The following HTT variants were observed in gnomAD, a reference collection of about 807,000 sequenced individuals.
HTT encodes huntington disease protein.
HTT carries 104 observed loss-of-function variants against 362.3 expected under a neutral mutation model. The ratio of observed to expected loss-of-function variants is 0.29; its 90% CI spans 0.24 to 0.34. HTT has a LOEUF of 0.34. Ranked by LOEUF, HTT falls within the 10% of genes least tolerant of loss-of-function variation. The pLI is 1.00. For missense variants in HTT, 3,301 were observed against 3,928.6 expected (o/e 0.84, Z 4.27); for synonymous variants, 1,577 against 1,548.7 (o/e 1.02, Z -0.43).
intron 3 of HTT, among the ~76,000 whole-genome samples, chr4:3,102,477 T>C (rs1396903457): frequency 6.6e-6 from 1 of 152,270 alleles, no homozygotes; most frequent in Non-Finnish European, 1.5e-5. Context: ...TTCGCTTTGC[T>C]CATTTAAGGA....
chr4:3,081,148 T>G (rs935358736), intron 1 of HTT, among the ~76,000 whole-genome samples: 1 of 152,240 alleles, frequency 6.6e-6, no homozygotes, highest in African/African-American at 2.4e-5. Flanking sequence ...TGAGAGGGAT[T>G]GTGTTGAATC....
intron 35 of HTT, among the ~76,000 whole-genome samples, chr4:3,178,757 G>C (rs1019867271): frequency 1.3e-5 from 2 of 152,190 alleles, no homozygotes; most frequent in African/African-American, 4.8e-5. Flanking sequence ...TTCTTCACTT[G>C]ATCTTAGCCA....
Position 3,206,802 on chromosome 4 carries a change from G to A in HTT, c.5899-5G>A. Reference sequence around the variant, plus strand: ...ATCTTTTGTTCTTTTCCTTCTTGCTGTTAGCCAACCATGCTGAAGAAAACT... The same window carrying A: ...ATCTTTTGTTCTTTTCCTTCTTGCTATTAGCCAACCATGCTGAAGAAAACT... On this transcript the variant is annotated splice_polypyrimidine_tract_variant and splice_region_variant and intron_variant, in intron 43 of 66. Coordinates refer to ENST00000355072, the MANE Select transcript of HTT (RefSeq NM_001388492.1). The surrounding 1 kb of genome is among the most constrained non-coding windows in gnomAD (Gnocchi z 4.6). The A allele has an allele frequency of 6.3e-7, 1 of 1,594,114 alleles. No individual in the cohort carries two copies. The highest frequency in any genetic ancestry group is 8.6e-7 in the Non-Finnish European group (1 of 1,168,386).
Position 3,240,338 on chromosome 4 carries a change from T to A in HTT, c.*279T>A, listed in dbSNP as rs530408662. On this transcript the variant is annotated 3_prime_UTR_variant, in exon 67 of 67. Coordinates refer to ENST00000355072, the MANE Select transcript of HTT (RefSeq NM_001388492.1). ...ACCCCATGTGGGTGACCAGGTCCTT[T>A]CTCCTGATAGTCACCTGCTGGTTGT... is the stretch of plus-strand genomic sequence containing the variant. 5 of 492,498 alleles carry A rather than the reference T, an allele frequency of 1.0e-5. No individual in the cohort carries two copies. In the Admixed American group the frequency reaches 1.4e-4, roughly 14 times the overall value. 30.5% of individuals were successfully genotyped at this position (492,498 alleles called of 1,614,324 possible).
At chr4:3,150,659 G>A (rs1716835007) in intron 26 of HTT, among the ~76,000 whole-genome samples, 2 of 152,178 alleles carry the variant, frequency 1.3e-5, no homozygotes, top group South Asian at 4.1e-4. Context: ...TATTTTGCGA[G>A]AAGAAAGTGT....
At chr4:3,166,207 C>T (rs1165419745) in intron 29 of HTT, among the ~76,000 whole-genome samples, 1 of 152,230 alleles carries the variant, frequency 6.6e-6, no homozygotes, top group Non-Finnish European at 1.5e-5. Flanking sequence ...TGGAGGTCCA[C>T]TCCAGGCCCT....
In HTT at chr4:3,132,901, C is replaced by T. The variant is rs780168812; in HGVS notation, c.2483C>T (p.Thr828Ile). 6.2e-7 allele frequency: 1 copy of T among 1,609,508 alleles called. No homozygotes were observed. Among genetic ancestry groups the T allele is most frequent in the South Asian group, 1.1e-5 (1 of 90,994 alleles). ...TCTGTTACTTGCAAGTTAGCTTGTACAGCTGTGAGGGTGAGCATAATCTTC... is the reference window on the plus strand; with the variant it reads ...TCTGTTACTTGCAAGTTAGCTTGTATAGCTGTGAGGGTGAGCATAATCTTC... ...ESSVTCKLAC[T>I]AVRNCVMSLC... The change falls in exon 18 of 67, where the codon ACA becomes ATA. Residue 828 changes from threonine to isoleucine, a missense_variant. Coordinates refer to ENST00000355072, the MANE Select transcript of HTT (RefSeq NM_001388492.1).
At chr4:3,186,837 G>GTTT in intron 38 of HTT, 118 bp downstream of exon 38, 3 of 380,526 alleles carry the variant, frequency 7.9e-6, no homozygotes, top group South Asian at 4.2e-5. Flanking sequence ...TTGAGAGTTT[G>GTTT]CTTTTTTTTT....
chr4:3,099,213 A>T, intron 2 of HTT, 61 bp from the exon 3 acceptor site: 1 of 1,160,430 alleles, frequency 8.6e-7, no homozygotes. Flanking sequence ...ATACCTCATT[A>T]CATTTCATTG....
chr4:3,209,007 C>A, intron 46 of HTT, 96 bp downstream of exon 46: 1 of 1,335,908 alleles, frequency 7.5e-7, no homozygotes, highest in Non-Finnish European at 1.0e-6. Flanking sequence ...TGCCGTGGAC[C>A]CAAGGAGTTC....
Position 3,156,801 on chromosome 4 carries a change from TCTAA to T in HTT, c.3626-268_3626-265del, listed in dbSNP as rs540193655. Among the ~76,000 whole-genome samples, 30 of 152,338 alleles carry T rather than the reference TCTAA, an allele frequency of 2.0e-4. 1 individual carries two copies. In the East Asian group the frequency reaches 5.4e-3, roughly 27 times the overall value. On this transcript the variant is annotated intron_variant, in intron 27 of 66. Transcript: ENST00000355072. ...CTTGAATCAGCTGCTCCTATGATTC[TCTAA>T]CTGATTTCTCACAAAGCAAACAAGC... is the stretch of plus-strand genomic sequence containing the variant.
intron 10 of HTT, chr4:3,123,337 T>C: frequency 6.1e-6 from 1 of 163,402 alleles, no homozygotes; most frequent in African/African-American, 2.4e-5. Context: ...GCCAGCTATG[T>C]TCCAGTAGAA....
chr4:3,191,349 A>G (rs918329878), intron 40 of HTT, among the ~76,000 whole-genome samples: 7 of 151,676 alleles, frequency 4.6e-5, no homozygotes, highest in Non-Finnish European at 8.8e-5. Context: ...AATTTTTTGT[A>G]TTTTTAGTAG....
rs3072133 is a variant in HTT, at chr4:3,241,948, A to ATTC, written c.*1890_*1892dup. The stretch of plus-strand genomic sequence containing the variant: ...AATTATAACACGTAAGAAAATCACC[A>ATTC]TTCCGTATTGGTTGGGGGCTCCTGT... On this transcript the variant is annotated 3_prime_UTR_variant, in exon 67 of 67. Coordinates refer to ENST00000355072, the MANE Select transcript of HTT (RefSeq NM_001388492.1). The ATTC allele has an allele frequency of 0.98, 149,283 of 152,214 alleles. 73,272 individuals are homozygous for ATTC. The highest frequency in any genetic ancestry group is 1 in the East Asian group (5,170 of 5,170). The allele number at this position is 152,214 out of a possible 1,614,324, so 9.4% of individuals were successfully genotyped here.
chr4:3,173,708 G>T (rs1325824680), intron 31 of HTT, among the ~76,000 whole-genome samples: 2 of 148,668 alleles, frequency 1.3e-5, no homozygotes, highest in South Asian at 2.1e-4. Flanking sequence ...TTGCTCTGTC[G>T]CCCAGGCTGG....
intron 33 of HTT, among the ~76,000 whole-genome samples, chr4:3,176,611 C>G (rs999822988): frequency 3.9e-5 from 6 of 152,174 alleles, no homozygotes; most frequent in Non-Finnish European, 5.9e-5. Context: ...TTGTTCCATT[C>G]TAGTAAGAAC....
chr4:3,237,985 A>G (rs985849225), intron 64 of HTT, among the ~76,000 whole-genome samples: 7 of 152,242 alleles, frequency 4.6e-5, no homozygotes, highest in African/African-American at 1.7e-4. Flanking sequence ...CAGCAAAAAC[A>G]TAATGGGAAC....
intron 29 of HTT, among the ~76,000 whole-genome samples, chr4:3,161,133 C>T (rs1310846589): frequency 6.6e-6 from 1 of 152,170 alleles, no homozygotes; most frequent in African/African-American, 2.4e-5. Context: ...CATGTGTTCT[C>T]ATTGTTCAAT....
chr4:3,102,823 G>T (rs1041884711), intron 3 of HTT, among the ~76,000 whole-genome samples: 2 of 152,190 alleles, frequency 1.3e-5, no homozygotes, highest in Non-Finnish European at 2.9e-5. Flanking sequence ...TGGACTTTGT[G>T]CCGTTAGCAT....
Sources: allele counts gnomAD v4.1 joint callset (sites outside exome capture counted in the v4.1 genomes callset), GRCh38; gene constraint gnomAD v4.1.1; non-coding constraint Gnocchi (gnomAD v3.1); transcripts MANE v1.5; gene names NCBI Gene and HGNC (gene_info 2026-07-23, HGNC 2026-07-21).